Variants in HS6ST3 observed in about 807,000 individuals in gnomAD.
The protein encoded by HS6ST3 is heparan-sulfate 6-O-sulfotransferase 3.
HS6ST3 carries 12 observed loss-of-function variants against 36.7 expected under a neutral mutation model. The observed-to-expected ratio is 0.33, with a 90% CI of 0.21 to 0.53. HS6ST3 has a LOEUF of 0.53. Ranked by LOEUF, HS6ST3 falls within the 20% of genes least tolerant of loss-of-function variation. The probability of loss-of-function intolerance (pLI) is 0.95; values close to 1 mark genes in which losing one functional copy is unlikely to be tolerated. For synonymous variants in HS6ST3, 240 were observed against 257.5 expected (o/e 0.93, Z 0.65); for missense variants, 584 against 640.9 (o/e 0.91, Z 0.96).
At chr13:96,123,108 C>G (rs113721210) in intron 1 of HS6ST3, among the ~76,000 whole-genome samples, 5,693 of 152,178 alleles carry the variant, frequency 0.037, 170 homozygotes, top group African/African-American at 0.083. Context: ...CTTCAACATG[C>G]CTTATAAGTT....
rs766397124 is a variant in HS6ST3 at position 96,304,711 on chromosome 13, C to CTTTCTTTCTTTCTTTCTTTCTT, written c.707+213145_707+213146insCTTTCTTTCTTTCTTTCTTTTT. Reference sequence around the variant, plus strand: ...TCTTTCTTTCTTTCTTTCTTTCTTTCTTTTTTTTTTTTTTTTTTTTACAGA... The same window carrying CTTTCTTTCTTTCTTTCTTTCTT: ...TCTTTCTTTCTTTCTTTCTTTCTTTCTTTCTTTCTTTCTTTCTTTCTTTTTTTTTTTTTTTTTTTTTTACAGA... On this transcript the variant is annotated intron_variant, in intron 1 of 1. Transcript: ENST00000376705. 7.4e-4 allele frequency among the ~76,000 whole-genome samples: 66 copies of CTTTCTTTCTTTCTTTCTTTCTT among 89,318 alleles called. 1 individual carries two copies. Among genetic ancestry groups the CTTTCTTTCTTTCTTTCTTTCTT allele is most frequent in the African/African-American group, 2.9e-3 (65 of 22,710 alleles). The allele number at this position is 89,318 out of a possible 152,430, so 58.6% of individuals were successfully genotyped here. A position where few individuals can be genotyped will look rare whatever the true frequency, so the allele number is the denominator to read the frequency against.
chr13:96,806,204 A>G (rs1284286616), intron 1 of HS6ST3, among the ~76,000 whole-genome samples: 3 of 152,194 alleles, frequency 2.0e-5, no homozygotes, highest in Non-Finnish European at 2.9e-5. Context: ...TCACCCAGAG[A>G]ATATCCTTGG....
intron 1 of HS6ST3, among the ~76,000 whole-genome samples, chr13:96,590,241 T>C (rs2056377525): frequency 6.6e-6 from 1 of 152,148 alleles, no homozygotes; most frequent in Non-Finnish European, 1.5e-5. Flanking sequence ...GCTCTATTTT[T>C]AGTTTTTTGA....
chr13:96,650,597 G>T (rs1241555664), intron 1 of HS6ST3, among the ~76,000 whole-genome samples: 1 of 152,138 alleles, frequency 6.6e-6, no homozygotes, highest in South Asian at 2.1e-4. Context: ...AGTACTGAAT[G>T]TCAAATTGAG....
chr13:96,259,541 CA>C (rs1475127140), intron 1 of HS6ST3, among the ~76,000 whole-genome samples: 3 of 152,282 alleles, frequency 2.0e-5, no homozygotes, highest in East Asian at 3.9e-4. Context: ...GTTGACTCAG[CA>C]GCAATTCTTC....
intron 1 of HS6ST3, among the ~76,000 whole-genome samples, chr13:96,757,112 T>A (rs1876850052): frequency 6.6e-6 from 1 of 152,216 alleles, no homozygotes; most frequent in African/African-American, 2.4e-5. Flanking sequence ...GGCTATAGAA[T>A]TCATATAATC....
intron 1 of HS6ST3, among the ~76,000 whole-genome samples, chr13:96,694,428 T>C (rs1465138352): frequency 6.6e-6 from 1 of 152,198 alleles, no homozygotes; most frequent in Non-Finnish European, 1.5e-5. Flanking sequence ...TGGGCATTTA[T>C]GTTGATTCCA....
rs571780991 is a variant in HS6ST3 at position 96,362,477 on chromosome 13, G to A, written c.707+270908G>A. ...ATCTCTGTTTTATTTAAAGTCCGAG[G>A]TAGATATTTCTGAGCAATAGGAAGC... is the stretch of plus-strand genomic sequence containing the variant. On this transcript the variant is annotated intron_variant, in intron 1 of 1. Coordinates refer to ENST00000376705, the MANE Select transcript of HS6ST3 (RefSeq NM_153456.4). Among the ~76,000 whole-genome samples, 30 of 152,258 alleles carry A rather than the reference G, an allele frequency of 2.0e-4. No individual in the cohort carries two copies. The East Asian group carries it at 5.2e-3, about 26-fold the overall frequency.
intron 1 of HS6ST3, among the ~76,000 whole-genome samples, chr13:96,525,335 A>G (rs1273307205): frequency 6.6e-6 from 1 of 152,070 alleles, no homozygotes; most frequent in African/African-American, 2.4e-5. Flanking sequence ...TAAAGATGGG[A>G]GGTTAGAAAC....
At chr13:96,816,367 T>C (rs1265905537) in intron 1 of HS6ST3, among the ~76,000 whole-genome samples, 3 of 152,330 alleles carry the variant, frequency 2.0e-5, no homozygotes, top group Admixed American at 6.5e-5. Context: ...CAAAAGTCTA[T>C]GCAGTTTACA....
At chr13:96,344,133 T>C (rs2055142859) in intron 1 of HS6ST3, among the ~76,000 whole-genome samples, 1 of 151,832 alleles carries the variant, frequency 6.6e-6, no homozygotes, top group South Asian at 2.1e-4. Flanking sequence ...TATAGGTGTG[T>C]ATACGTAGGT....
rs11840842 is a variant in HS6ST3 at position 96,807,746 on chromosome 13, G to C, written c.708-24744G>C. Among the ~76,000 whole-genome samples the C allele has an allele frequency of 0.034, 5,148 of 151,940 alleles. 417 individuals are homozygous for C. In the East Asian group the frequency reaches 0.37, roughly 11 times the overall value. ...CTGGGCGTGGTGGTGGACGCCTGTA[G>C]TCCCAGCTACTCGGGAGGCTGAGGC... On this transcript the variant is annotated intron_variant, in intron 1 of 1. Transcript: ENST00000376705.
At chr13:96,319,359 C>A (rs781687549) in intron 1 of HS6ST3, among the ~76,000 whole-genome samples, 1 of 152,196 alleles carries the variant, frequency 6.6e-6, no homozygotes, top group Admixed American at 6.5e-5. Flanking sequence ...ATATTCCTCT[C>A]TATGGATAGA....
intron 1 of HS6ST3, among the ~76,000 whole-genome samples, chr13:96,757,325 A>G (rs1418969784): frequency 6.6e-6 from 1 of 152,208 alleles, no homozygotes; most frequent in Non-Finnish European, 1.5e-5. Flanking sequence ...AAGGATGTGA[A>G]CACCAGGAGG....
chr13:96,488,392 A>G (rs2055926922), intron 1 of HS6ST3, among the ~76,000 whole-genome samples: 1 of 152,106 alleles, frequency 6.6e-6, no homozygotes, highest in Non-Finnish European at 1.5e-5. Flanking sequence ...TAATAATGAT[A>G]CATACTATAG....
intron 1 of HS6ST3, among the ~76,000 whole-genome samples, chr13:96,454,945 G>C (rs1263743361): frequency 6.6e-6 from 1 of 150,980 alleles, no homozygotes; most frequent in Non-Finnish European, 1.5e-5. Context: ...TATGCTGAAA[G>C]AAATTGAAGT....
chr13:96,539,921 A>G (rs543320434), intron 1 of HS6ST3, among the ~76,000 whole-genome samples: 115 of 152,292 alleles, frequency 7.6e-4, no homozygotes, highest in African/African-American at 2.7e-3. Context: ...ATTTTCCTGT[A>G]GCCCAGGGAC....
At chr13:96,144,279 C>T (rs942165084) in intron 1 of HS6ST3, among the ~76,000 whole-genome samples, 5 of 152,024 alleles carry the variant, frequency 3.3e-5, no homozygotes, top group Non-Finnish European at 5.9e-5. Context: ...GAGGCAATTC[C>T]TTGATTATAT....
intron 1 of HS6ST3, among the ~76,000 whole-genome samples, chr13:96,592,097 G>T (rs1566405874): frequency 6.6e-6 from 1 of 151,930 alleles, no homozygotes; most frequent in Admixed American, 6.6e-5. Context: ...AATTTGGTTT[G>T]CTAGCATTTT....
Sources: allele counts gnomAD v4.1 joint callset (sites outside exome capture counted in the v4.1 genomes callset), GRCh38; gene constraint gnomAD v4.1.1; transcripts MANE v1.5; gene names NCBI Gene and HGNC (gene_info 2026-07-23, HGNC 2026-07-21).